The following FOXN3 variants were observed in gnomAD, a reference collection of about 807,000 sequenced individuals.
FOXN3 encodes the protein forkhead box N3.
In FOXN3, 7 loss-of-function variants were observed where a neutral mutation model predicts 38.4. The ratio of observed to expected loss-of-function variants is 0.18; its 90% CI spans 0.10 to 0.34. The LOEUF (loss-of-function observed/expected upper bound fraction) is 0.34, where lower values mean the gene tolerates loss of function less well. Ranked by LOEUF, FOXN3 falls within the 10% of genes least tolerant of loss-of-function variation. The pLI is 1.00. For missense variants in FOXN3, 456 were observed against 613.4 expected (o/e 0.74, Z 2.71); for synonymous variants, 230 against 242.2 (o/e 0.95, Z 0.47).
At chr14:89,283,203 T>C (rs1459565682) in intron 3 of FOXN3, among the ~76,000 whole-genome samples, 1 of 152,180 alleles carries the variant, frequency 6.6e-6, no homozygotes, top group Non-Finnish European at 1.5e-5. Context: ...TGTTAGAAGA[T>C]CCGAGGATTT....
chr14:89,442,194 G>C (rs1892401595), intron 1 of FOXN3, among the ~76,000 whole-genome samples: 1 of 152,076 alleles, frequency 6.6e-6, no homozygotes, highest in South Asian at 2.1e-4. Context: ...CCAAAGTGCT[G>C]GGATTACAGC....
At chr14:89,193,010 C>A (rs1470170889) in intron 4 of FOXN3, among the ~76,000 whole-genome samples, 1 of 152,088 alleles carries the variant, frequency 6.6e-6, no homozygotes, top group Admixed American at 6.6e-5. Flanking sequence ...CTAAGGGGGG[C>A]TGTTAAGGCC....
At chr14:89,449,444 G>A (rs567525073) in intron 1 of FOXN3, among the ~76,000 whole-genome samples, 52 of 152,218 alleles carry the variant, frequency 3.4e-4, no homozygotes, top group African/African-American at 1.2e-3. Flanking sequence ...GTACTCAACA[G>A]ATAAAAATCT....
At chr14:89,239,392 T>C (rs1986903) in intron 4 of FOXN3, among the ~76,000 whole-genome samples, 5,733 of 152,288 alleles carry the variant, frequency 0.038, 328 homozygotes, top group African/African-American at 0.13. Flanking sequence ...GGAGCGGTTT[T>C]TACATCTTTC....
intron 1 of FOXN3, among the ~76,000 whole-genome samples, chr14:89,443,759 C>G (rs1443750116): frequency 1.3e-5 from 2 of 152,078 alleles, no homozygotes; most frequent in Non-Finnish European, 1.5e-5. Context: ...CCTGTAATCC[C>G]AGCACTTTGG....
At chr14:89,508,727 C>A (rs529122062) in intron 1 of FOXN3, among the ~76,000 whole-genome samples, 1 of 152,314 alleles carries the variant, frequency 6.6e-6, no homozygotes, top group South Asian at 2.1e-4. Context: ...GGATCACCTG[C>A]AGGCCCTGTG....
chr14:89,446,099 A>AAAAAAAAAAAAAAAAAAAAAAAC (rs1892489411), intron 1 of FOXN3, among the ~76,000 whole-genome samples: 1 of 147,662 alleles, frequency 6.8e-6, no homozygotes, highest in African/African-American at 2.5e-5. Flanking sequence ...AAAAAAAAAA[A>AAAAAAAAAAAAAAAAAAAAAAAC]AAAAAAAAAA....
rs34026101 is a variant in FOXN3 at position 89,415,604 on chromosome 14, CAAAAAAAAAAAA to C, written c.-15+1255_-15+1266del. Among the ~76,000 whole-genome samples, 197 of 54,288 alleles carry C rather than the reference CAAAAAAAAAAAA, an allele frequency of 3.6e-3. 2 individuals are homozygous for C. Among genetic ancestry groups the C allele is most frequent in the African/African-American group, 8.2e-3 (146 of 17,898 alleles). The allele number at this position is 54,288 out of a possible 152,430, so 35.6% of individuals were successfully genotyped here. ...AAAAACAAAACAAAACAACAATAAC[CAAAAAAAAAAAA>C]AAAAAAAAAAAAAAACAGTTCCCAG... On this transcript the variant is annotated intron_variant, in intron 1 of 5. Transcript: ENST00000557258.
chr14:89,203,740 C>G (rs7147551), intron 4 of FOXN3, among the ~76,000 whole-genome samples: 5,726 of 152,188 alleles, frequency 0.038, 371 homozygotes, highest in African/African-American at 0.13. Flanking sequence ...ACATTTCTTC[C>G]GCTCCCAGGG....
intron 3 of FOXN3, among the ~76,000 whole-genome samples, chr14:89,322,353 T>C (rs1490074485): frequency 6.6e-6 from 1 of 152,174 alleles, no homozygotes; most frequent in Non-Finnish European, 1.5e-5. Flanking sequence ...TATCAGTAGA[T>C]GGTTATGAAG....
At chr14:89,403,466 C>T (rs973883869) in intron 2 of FOXN3, among the ~76,000 whole-genome samples, 6 of 152,240 alleles carry the variant, frequency 3.9e-5, no homozygotes, top group African/African-American at 1.2e-4. Flanking sequence ...TCCCAAAGTG[C>T]TAGGATTACA....
At chr14:89,416,326 C>G (rs1267608846) in intron 1 of FOXN3, among the ~76,000 whole-genome samples, 1 of 152,250 alleles carries the variant, frequency 6.6e-6, no homozygotes, top group Non-Finnish European at 1.5e-5. Flanking sequence ...ATGTCATAAA[C>G]CTTTTATTGG....
chr14:89,522,716 A>G (rs769940463), intron 1 of FOXN3, among the ~76,000 whole-genome samples: 28 of 152,008 alleles, frequency 1.8e-4, no homozygotes, highest in African/African-American at 4.1e-4. Context: ...AACCATTAAA[A>G]TAATACACAA....
chr14:89,572,440 A>C (rs1895514439), intron 1 of FOXN3, among the ~76,000 whole-genome samples: 1 of 152,226 alleles, frequency 6.6e-6, no homozygotes, highest in Non-Finnish European at 1.5e-5. Flanking sequence ...TGCTCATAGG[A>C]ATAAATTCTG....
intron 1 of FOXN3, among the ~76,000 whole-genome samples, chr14:89,551,885 T>A (rs887061147): frequency 5.3e-5 from 8 of 152,098 alleles, no homozygotes; most frequent in Non-Finnish European, 1.0e-4. Context: ...AGCTGTTTGG[T>A]CTGTTTTTGT....
intron 1 of FOXN3, among the ~76,000 whole-genome samples, chr14:89,612,191 A>G (rs1896406205): frequency 6.6e-6 from 1 of 152,168 alleles, no homozygotes; most frequent in Non-Finnish European, 1.5e-5. Context: ...ATTAATGCAT[A>G]TTATCATTAG....
chr14:89,464,885 A>G (rs1892941372), intron 1 of FOXN3, among the ~76,000 whole-genome samples: 1 of 151,876 alleles, frequency 6.6e-6, no homozygotes, highest in Non-Finnish European at 1.5e-5. Context: ...TTTGGTAGAG[A>G]TTGAGTTTCA....
chr14:89,457,664 T>C (rs1875649108), intron 1 of FOXN3, among the ~76,000 whole-genome samples: 1 of 152,176 alleles, frequency 6.6e-6, no homozygotes, highest in South Asian at 2.1e-4. Flanking sequence ...ATGAAGGCTA[T>C]CTGTCCCCTG....
chr14:89,279,427 T>C (rs1886393810), intron 4 of FOXN3, among the ~76,000 whole-genome samples: 2 of 152,188 alleles, frequency 1.3e-5, no homozygotes, highest in Non-Finnish European at 2.9e-5. Context: ...CCAAAGTGAA[T>C]GAATAAAAAT....
Sources: allele counts gnomAD v4.1 joint callset (sites outside exome capture counted in the v4.1 genomes callset), GRCh38; gene constraint gnomAD v4.1.1; transcripts MANE v1.5; gene names NCBI Gene and HGNC (gene_info 2026-07-23, HGNC 2026-07-21).